The following CALR3 variants were observed in gnomAD, a reference collection of about 807,000 sequenced individuals.
CALR3 encodes the protein calreticulin 3.
CALR3 carries 39 observed loss-of-function variants against 48.7 expected under a neutral mutation model. The ratio of observed to expected loss-of-function variants is 0.80; its 90% CI spans 0.62 to 1.05. CALR3 has a LOEUF of 1.05. CALR3 is among the 50% of genes least tolerant of loss of function. CALR3 has a pLI of 0.00. For synonymous variants in CALR3, 185 were observed against 172.7 expected (o/e 1.07, Z -0.56); for missense variants, 449 against 474.7 (o/e 0.95, Z 0.50).
rs2093379226 is a variant in CALR3 at position 16,480,626 on chromosome 19, C to G, written c.999G>C (p.Trp333Cys). 2 of 1,611,642 alleles carry G rather than the reference C, an allele frequency of 1.2e-6. No individual in the cohort carries two copies. Among genetic ancestry groups the G allele is most frequent in the Admixed American group, 1.7e-5 (1 of 59,966 alleles). The change falls in exon 8 of 9, where the codon TGG becomes TGC. Residue 333 changes from tryptophan (W) to cysteine (C), a missense_variant. Physicochemically the swap from Trp to Cys is radical, Grantham distance 215 (BLOSUM62 -2). Transcript: ENST00000269881. ...ACGTGCTTCATACCTTGGTTTCGCC[C>G]CAGGTGGCCTTGCCAAAATTATCTG... ...EYADNFGKATWGETKGPEREM... is the reference protein window; with the variant it reads ...EYADNFGKATCGETKGPEREM...
intron 3 of CALR3, among the ~76,000 whole-genome samples, chr19:16,488,433 C>T (rs568553133): frequency 6.6e-6 from 1 of 152,158 alleles, no homozygotes; most frequent in South Asian, 2.1e-4. Flanking sequence ...GAGATGGAGT[C>T]TCGTTCTGTT....
Position 16,482,500 on chromosome 19 carries a change from C to G in CALR3, c.868G>C (p.Asp290His), listed in dbSNP as rs2093382491. 6.2e-7 allele frequency: 1 copy of G among 1,614,210 alleles called. No homozygotes were observed. Among genetic ancestry groups the G allele is most frequent in the Admixed American group, 1.7e-5 (1 of 60,026 alleles). ...MKNTDYLTQY[D>H]LSEFENIGAI... Reference sequence around the variant, plus strand: ...CCAATGTTCTCAAATTCTGAGAGGTCATACTGCGTCAAATAGTCGGTATTC... The same window carrying G: ...CCAATGTTCTCAAATTCTGAGAGGTGATACTGCGTCAAATAGTCGGTATTC... Residue 290 changes from aspartate (D) to histidine (H), a missense_variant, in exon 7 of 9, where the codon GAC becomes CAC. Coordinates refer to ENST00000269881, the MANE Select transcript of CALR3 (RefSeq NM_145046.5).
rs1326804459 is a variant in CALR3 at position 16,482,322 on chromosome 19, T to G, written c.918+128A>C. 3.0e-6 allele frequency: 4 copies of G among 1,339,102 alleles called. No individual in the cohort carries two copies. The African/African-American group carries it at 5.8e-5, about 19-fold the overall frequency. The allele number at this position is 1,339,102 out of a possible 1,614,324, so 83.0% of individuals were successfully genotyped here. On this transcript the variant is annotated intron_variant, in intron 7 of 8. Coordinates refer to ENST00000269881, the MANE Select transcript of CALR3 (RefSeq NM_145046.5). ...GCTTGGGCCTAGTTTGAGGCTACAG[T>G]GAGCTAGGATGGTGCCACTGCACTC...
At chr19:16,480,001 G>A (rs564250460) in intron 8 of CALR3, among the ~76,000 whole-genome samples, 6 of 149,802 alleles carry the variant, frequency 4.0e-5, no homozygotes, top group South Asian at 2.1e-4. Context: ...TCAAGAGAGC[G>A]AGACCATCCT....
rs769250010 is a variant in CALR3, at chr19:16,482,678, C to A, written c.786G>T (p.Gln262His). Residue 262 changes from glutamine to histidine, a missense_variant and splice_region_variant, in exon 6 of 9, where the codon CAG (glutamine) becomes CAT (histidine). Coordinates refer to ENST00000269881, the MANE Select transcript of CALR3 (RefSeq NM_145046.5). The stretch of plus-strand genomic sequence containing the variant: ...GGCATCATACAAAGAGGCCACACAC[C>A]TGGTACGGGGGCTTCTGGAGCATCG... Reference protein sequence around the residue: ...PAPMLQKPPYQDGLKPEGIHK... With the variant: ...PAPMLQKPPYHDGLKPEGIHK... The A allele has an allele frequency of 1.3e-5, 21 of 1,614,038 alleles. 1 individual carries two copies. In the South Asian group the frequency reaches 2.2e-4, roughly 17 times the overall value.
chr19:16,482,325 G>T, intron 7 of CALR3, 125 bp downstream of exon 7: 1 of 1,362,570 alleles, frequency 7.3e-7, no homozygotes, highest in Non-Finnish European at 1.0e-6. Context: ...GCTACAGTGA[G>T]CTAGGATGGT....
chr19:16,487,987 G>C (rs1045572026), intron 3 of CALR3, among the ~76,000 whole-genome samples: 89 of 152,070 alleles, frequency 5.9e-4, no homozygotes, highest in African/African-American at 2.0e-3. Flanking sequence ...CTAATTTTTT[G>C]TATTTTTAGT....
chr19:16,490,048 C>A (rs1273884769), intron 3 of CALR3, among the ~76,000 whole-genome samples: 1 of 151,842 alleles, frequency 6.6e-6, no homozygotes, highest in Non-Finnish European at 1.5e-5. Flanking sequence ...ATCCAAAATC[C>A]AAAAAAAATT....
chr19:16,495,558 CAAAAAAAAAAAAA>C (rs57877938), intron 2 of CALR3, among the ~76,000 whole-genome samples, 180 bp downstream of exon 2: 11 of 95,364 alleles, frequency 1.2e-4, no homozygotes, highest in African/African-American at 3.9e-4. Context: ...GGCTCCGTCT[CAAAAAAAAAAAAA>C]AAAAAAAAGG....
chr19:16,493,425 A>G (rs978204292), intron 2 of CALR3, among the ~76,000 whole-genome samples: 3 of 152,194 alleles, frequency 2.0e-5, no homozygotes, highest in African/African-American at 4.8e-5. Context: ...AACTTTGTCT[A>G]TACAAATGAT....
At chr19:16,490,918 G>A (rs574470949) in intron 2 of CALR3, among the ~76,000 whole-genome samples, 4 of 151,224 alleles carry the variant, frequency 2.6e-5, no homozygotes, top group South Asian at 2.1e-4. Flanking sequence ...TAGCCACCAC[G>A]CCAGGCTAAT....
rs1324542856 is a variant in CALR3, at chr19:16,485,181, C to A, written c.474G>T (p.Lys158Asn). The A allele has an allele frequency of 6.2e-7, 1 of 1,605,486 alleles. No individual in the cohort carries two copies. The highest frequency in any genetic ancestry group is 8.5e-7 in the Non-Finnish European group (1 of 1,172,266). The change falls in exon 4 of 9, where the codon AAG becomes AAT. Residue 158 changes from lysine to asparagine, a missense_variant. By Grantham distance (94) the Lys-to-Asn change is moderately conservative (BLOSUM62 0). Transcript: ENST00000269881. ...LHFKNKYHEN[K>N]KLIRCKVDGF... ...CAGTTACCTTACACCTGATCAGTTT[C>A]TTGTTTTCGTGATACTTATTCTTGA... is the stretch of plus-strand genomic sequence containing the variant.
In CALR3 at chr19:16,482,694, T is replaced by G. The variant is rs774405654; in HGVS notation, c.770A>C (p.Gln257Pro). 24 of 1,614,044 alleles carry G rather than the reference T, an allele frequency of 1.5e-5. No homozygotes were observed. In the South Asian group the frequency reaches 2.2e-4, roughly 15 times the overall value. ...LDGDWPAPML[Q>P]KPPYQDGLKP... ...GCCACACACCTGGTACGGGGGCTTC[T>G]GGAGCATCGGCGCTGGCCAGTCCCC... Residue 257 changes from glutamine to proline, a missense_variant, in exon 6 of 9, where the codon CAG becomes CCG. Coordinates refer to ENST00000269881, the MANE Select transcript of CALR3 (RefSeq NM_145046.5).
intron 2 of CALR3, among the ~76,000 whole-genome samples, chr19:16,492,579 A>T (rs1268829974): frequency 1.3e-5 from 2 of 151,804 alleles, no homozygotes; most frequent in Admixed American, 1.3e-4. Context: ...AAAAATACAA[A>T]ATTAGGCCGG....
chr19:16,495,474 G>A (rs2093405782), intron 2 of CALR3, among the ~76,000 whole-genome samples: 1 of 143,118 alleles, frequency 7.0e-6, no homozygotes, highest in African/African-American at 2.6e-5. Context: ...CAGGAGAATT[G>A]CTTGAACCCG....
intron 5 of CALR3, 125 bp from the exon 6 acceptor site, chr19:16,482,910 T>A: frequency 1.1e-6 from 1 of 875,420 alleles, no homozygotes; most frequent in Non-Finnish European, 1.8e-6. Context: ...GGTTGTGCAA[T>A]CATGGCTCAC....
chr19:16,494,896 A>G (rs1051758837), intron 2 of CALR3, among the ~76,000 whole-genome samples: 3 of 152,194 alleles, frequency 2.0e-5, no homozygotes, highest in African/African-American at 7.2e-5. Flanking sequence ...TAAGCTGAAT[A>G]TGTCTCCTTG....
chr19:16,488,097 G>A (rs1568486783), intron 3 of CALR3, among the ~76,000 whole-genome samples: 1 of 152,104 alleles, frequency 6.6e-6, no homozygotes, highest in Non-Finnish European at 1.5e-5. Flanking sequence ...ACAGGTGTGA[G>A]CCACCGCGCC....
chr19:16,485,127 G>A, intron 4 of CALR3, 36 bp downstream of exon 4: 1 of 1,362,906 alleles, frequency 7.3e-7, no homozygotes. Context: ...TCTGGCAGGA[G>A]TTAACACTCA....
Sources: gnomAD v4.1 joint callset for allele counts (sites outside exome capture counted in the v4.1 genomes callset) on GRCh38, gnomAD v4.1.1 for gene constraint, MANE v1.5 for transcripts, NCBI Gene and HGNC (gene_info 2026-07-23, HGNC 2026-07-21) for gene names.